SYT14: variants seen among roughly 807,000 people sequenced by gnomAD.
SYT14 encodes the protein synaptotagmin 14, also known as synaptotagmin-14.
SYT14 carries 32 observed loss-of-function variants against 74.2 expected under a neutral mutation model. The ratio of observed to expected loss-of-function variants is 0.43; its 90% CI spans 0.33 to 0.58. The LOEUF (loss-of-function observed/expected upper bound fraction) is 0.58, where lower values mean the gene tolerates loss of function less well. SYT14 is among the 20% of genes least tolerant of loss of function. The pLI is 0.05. For synonymous variants in SYT14, 298 were observed against 337.7 expected, an observed-to-expected ratio of 0.88 and a Z score of 1.29; for missense variants, 791 against 981.8, an observed-to-expected ratio of 0.81 and a Z score of 2.60.
rs12023830 is a variant in SYT14, at chr1:210,132,569, G to T, written c.2035-23152G>T. ...TAAGATGATGATGATTTTATATATT[G>T]TGTGTGTGTGTGTGTGTGTGTGTGT... On this transcript the variant is annotated intron_variant, in intron 7 of 9. Transcript: ENST00000637265. Among the ~76,000 whole-genome samples, 410 of 50,602 alleles carry T rather than the reference G, an allele frequency of 8.1e-3. 2 individuals carry two copies. The highest frequency in any genetic ancestry group is 0.043 in the Middle Eastern group (3 of 70). 33.2% of individuals were successfully genotyped at this position (50,602 alleles called of 152,430 possible).
intron 1 of SYT14, among the ~76,000 whole-genome samples, chr1:209,949,420 A>G (rs1275947005): frequency 2.0e-5 from 3 of 152,090 alleles, no homozygotes; most frequent in Non-Finnish European, 4.4e-5. Context: ...TAAAGATACA[A>G]AAGTTAGCTG....
chr1:210,044,479 G>C (rs1353746562), intron 5 of SYT14, among the ~76,000 whole-genome samples: 1 of 152,162 alleles, frequency 6.6e-6, no homozygotes, highest in Non-Finnish European at 1.5e-5. Context: ...ATTCGAAACA[G>C]TCTTTTAATG....
At chr1:210,047,222 C>T (rs2080902062) in intron 5 of SYT14, among the ~76,000 whole-genome samples, 1 of 151,970 alleles carries the variant, frequency 6.6e-6, no homozygotes, top group Non-Finnish European at 1.5e-5. Flanking sequence ...CCTTATTCAT[C>T]CTTCTTTGTC....
chr1:209,956,417 C>G (rs2078993234), intron 2 of SYT14, among the ~76,000 whole-genome samples: 1 of 152,038 alleles, frequency 6.6e-6, no homozygotes, highest in African/African-American at 2.4e-5. Flanking sequence ...GCTCTGGCAT[C>G]TTCAGCACAT....
chr1:210,124,022 T>A (rs946203899), intron 7 of SYT14, among the ~76,000 whole-genome samples: 1 of 152,116 alleles, frequency 6.6e-6, no homozygotes, highest in Non-Finnish European at 1.5e-5. Flanking sequence ...GAAGGGTCAG[T>A]ACGAGGATTG....
intron 5 of SYT14, among the ~76,000 whole-genome samples, chr1:210,053,522 T>C (rs941507140): frequency 6.6e-6 from 1 of 152,338 alleles, no homozygotes; most frequent in African/African-American, 2.4e-5. Flanking sequence ...ATTAAGTCTA[T>C]GAAGAATGGA....
chr1:210,047,381 A>G (rs2080905527), intron 5 of SYT14, among the ~76,000 whole-genome samples: 1 of 152,008 alleles, frequency 6.6e-6, no homozygotes, highest in South Asian at 2.1e-4. Flanking sequence ...TGTGTATCCT[A>G]ATTTGAAGAA....
intron 6 of SYT14, among the ~76,000 whole-genome samples, chr1:210,098,198 C>T (rs2081999188): frequency 6.6e-6 from 1 of 151,390 alleles, no homozygotes. Flanking sequence ...AAATTAAGGA[C>T]TCATGTCTTT....
At chr1:209,978,938 A>AC (rs1474122425) in intron 2 of SYT14, among the ~76,000 whole-genome samples, 1 of 152,080 alleles carries the variant, frequency 6.6e-6, no homozygotes, top group Non-Finnish European at 1.5e-5. Flanking sequence ...CTGCCGCCTT[A>AC]CAGTTTGATC....
At chr1:210,166,780 T>C (rs998492059) in exon 10 of SYT14, 3 of 152,302 alleles carry the variant, frequency 2.0e-5, no homozygotes, top group East Asian at 1.9e-4. Flanking sequence ...CTGAGATCTA[T>C]TGATATAGAA....
intron 1 of SYT14, among the ~76,000 whole-genome samples, chr1:209,943,508 CAAAAAAAA>C (rs58806792): frequency 3.4e-5 from 2 of 59,328 alleles, no homozygotes; most frequent in South Asian, 1.9e-3. Context: ...GATTCAATCT[CAAAAAAAA>C]AAAAAAAAAA....
chr1:209,946,140 G>T (rs2078820291), intron 1 of SYT14, among the ~76,000 whole-genome samples: 1 of 152,188 alleles, frequency 6.6e-6, no homozygotes, highest in Non-Finnish European at 1.5e-5. Flanking sequence ...CCACCAATCA[G>T]TTATTCCCTC....
intron 7 of SYT14, among the ~76,000 whole-genome samples, chr1:210,117,687 G>A (rs2082386668): frequency 6.6e-6 from 1 of 152,090 alleles, no homozygotes; most frequent in Non-Finnish European, 1.5e-5. Context: ...ACAAAGAATT[G>A]TTATCAGATA....
intron 5 of SYT14, 92 bp from the exon 5 acceptor site, chr1:210,094,230 T>C (rs2081928068): frequency 1.9e-6 from 3 of 1,549,970 alleles, no homozygotes; most frequent in Non-Finnish European, 2.7e-6. Flanking sequence ...AATTTTTTGA[T>C]CCAGTTTTCA....
intron 2 of SYT14, among the ~76,000 whole-genome samples, chr1:209,994,919 C>T (rs1483130020): frequency 6.6e-6 from 1 of 152,184 alleles, no homozygotes; most frequent in Non-Finnish European, 1.5e-5. Context: ...GAAATAAAAT[C>T]TTCATCAGAT....
At chr1:210,145,764 ACTTT>A (rs888037906) in intron 7 of SYT14, among the ~76,000 whole-genome samples, 1 of 152,104 alleles carries the variant, frequency 6.6e-6, no homozygotes, top group African/African-American at 2.4e-5. Context: ...CTTAGCTCAT[ACTTT>A]CTTTGTGTGA....
exon 10 of SYT14, chr1:210,163,404 C>T (rs1482676285): frequency 6.6e-6 from 3 of 453,622 alleles, no homozygotes; most frequent in Non-Finnish European, 1.3e-5. Context: ...ACCTCCACCC[C>T]AGCTGCCAAG....
intron 7 of SYT14, 64 bp downstream of exon 6, chr1:210,100,525 T>A: frequency 6.6e-7 from 1 of 1,506,264 alleles, no homozygotes; most frequent in Non-Finnish European, 9.2e-7. Flanking sequence ...TGCACAATTT[T>A]AAAAATCTTT....
At position 210,131,450 on chromosome 1, in the gene SYT14, T is replaced by C. The variant is rs1336924570; in HGVS notation, c.2035-24271T>C. ...TTAAAGTCTTAATTGCACAGTAGAA[T>C]GGTATATACTATACTAAATATCTTT... On this transcript the variant is annotated intron_variant, in intron 7 of 9. Transcript: ENST00000637265. 2.0e-5 allele frequency among the ~76,000 whole-genome samples: 3 copies of C among 152,134 alleles called. No homozygotes were observed. The East Asian group carries it at 5.8e-4, about 29-fold the overall frequency.
Sources: gnomAD v4.1 joint callset for allele counts (sites outside exome capture counted in the v4.1 genomes callset) on GRCh38, gnomAD v4.1.1 for gene constraint, MANE v1.5 for transcripts, NCBI Gene and HGNC (gene_info 2026-07-23, HGNC 2026-07-21) for gene names.